Variants in ICA1 observed in about 807,000 individuals in gnomAD.
ICA1 encodes the protein islet cell autoantigen 1, also known as 69 kDa islet cell autoantigen.
Under a neutral mutation model 71.0 loss-of-function variants are expected in ICA1, and 40 were observed. That is an observed-to-expected ratio of 0.56 (90% confidence interval 0.44 to 0.73). The LOEUF (loss-of-function observed/expected upper bound fraction) is 0.73. Among genes scored for constraint, ICA1 ranks in the 30% least tolerant of loss-of-function variants. The pLI is 0.00. For missense variants in ICA1, 578 were observed against 576.5 expected (o/e 1.00, Z -0.03); for synonymous variants, 207 against 209.5 (o/e 0.99, Z 0.10).
chr7:8,150,672 C>T (rs1397745819), intron 8 of ICA1, among the ~76,000 whole-genome samples: 1 of 152,244 alleles, frequency 6.6e-6, no homozygotes. Flanking sequence ...ATCGAGAGGA[C>T]TTCATCCCAA....
intron 4 of ICA1, 138 bp from the exon 5 acceptor site, chr7:8,221,536 G>A (rs1016199490): frequency 2.2e-6 from 2 of 920,540 alleles, no homozygotes; most frequent in African/African-American, 3.4e-5. Flanking sequence ...GCAGGCTACA[G>A]GGTAAGCTCC....
chr7:8,255,976 TG>T (rs1210297929), intron 1 of ICA1, among the ~76,000 whole-genome samples: 2 of 151,538 alleles, frequency 1.3e-5, no homozygotes, highest in South Asian at 2.1e-4. Flanking sequence ...GTTCTCACTA[TG>T]TTGCCCAGGC....
rs907528704 is a variant in ICA1 at position 8,130,542 on chromosome 7, T to C, written c.1061-2400A>G. 1.3e-5 allele frequency among the ~76,000 whole-genome samples: 2 copies of C among 152,244 alleles called. No homozygotes were observed. The highest frequency in any genetic ancestry group is 2.9e-5 in the Non-Finnish European group (2 of 68,048). ...CTTATAGTTTACTTTTTGCCCTGAC[T>C]GAAACCAGATAATTACTGAACCAAA... On this transcript the variant is annotated intron_variant, in intron 12 of 13. Transcript: ENST00000402384. The surrounding 1 kb of genome is among the most constrained non-coding windows in gnomAD (Gnocchi z 4.2).
chr7:8,113,214 TA>T lies in ICA1; in HGVS notation c.*708del, dbSNP rs34985399. The T allele has an allele frequency of 0.075, 10,704 of 142,628 alleles. 413 individuals are homozygous for T. The highest frequency in any genetic ancestry group is 0.13 in the Middle Eastern group (38 of 282). The allele number at this position is 142,628 out of a possible 1,614,324, so 8.8% of individuals were successfully genotyped here. The stretch of plus-strand genomic sequence containing the variant: ...ATGTCAAATATCTTTTCTGTTTAAT[TA>T]AAAAAAAAAAAAAAACAATGTCACA... On this transcript the variant is annotated 3_prime_UTR_variant, in exon 14 of 14. Coordinates refer to ENST00000402384, the MANE Select transcript of ICA1 (RefSeq NM_001136020.3). The surrounding 1 kb of genome is among the most constrained non-coding windows in gnomAD (Gnocchi z 4.2).
chr7:8,208,585 T>C (rs7788546), intron 6 of ICA1, among the ~76,000 whole-genome samples: 12,547 of 152,194 alleles, frequency 0.082, 1,133 homozygotes, highest in African/African-American at 0.22. Flanking sequence ...AAAGATGATA[T>C]GTGAGCTGTT....
chr7:8,164,412 C>T (rs1480423428), intron 6 of ICA1, among the ~76,000 whole-genome samples: 2 of 151,224 alleles, frequency 1.3e-5, no homozygotes, highest in East Asian at 3.9e-4. Context: ...CTGCTCTGAT[C>T]CAAAAGACAC....
intron 1 of ICA1, among the ~76,000 whole-genome samples, chr7:8,258,665 A>T (rs1290192247): frequency 6.6e-6 from 1 of 152,246 alleles, no homozygotes; most frequent in Non-Finnish European, 1.5e-5. Flanking sequence ...AAAAACAGGT[A>T]TAAAATGCCC....
intron 6 of ICA1, among the ~76,000 whole-genome samples, chr7:8,179,600 C>A (rs1278875249): frequency 6.6e-6 from 1 of 152,156 alleles, no homozygotes; most frequent in African/African-American, 2.4e-5. Flanking sequence ...CTGAAAACTG[C>A]TAGAAAATTC....
Position 8,126,038 on chromosome 7 carries a change from T to G in ICA1, c.1330+1835A>C, listed in dbSNP as rs61544468. On this transcript the variant is annotated intron_variant, in intron 13 of 13. Transcript: ENST00000402384. ...CACTGTGGGCACTGAGATGAACTTCTCTCACTTTGCCTGCTCAGGAAGTGG... is the reference window on the plus strand; with the variant it reads ...CACTGTGGGCACTGAGATGAACTTCGCTCACTTTGCCTGCTCAGGAAGTGG... 6.9e-3 allele frequency among the ~76,000 whole-genome samples: 1,046 copies of G among 152,358 alleles called. 17 individuals are homozygous for G. The highest frequency in any genetic ancestry group is 0.024 in the African/African-American group (989 of 41,582).
At chr7:8,190,428 AT>A (rs764241971) in intron 6 of ICA1, among the ~76,000 whole-genome samples, 3 of 152,356 alleles carry the variant, frequency 2.0e-5, no homozygotes, top group South Asian at 2.1e-4. Context: ...GTACAAAAAA[AT>A]AATATTAATG....
At chr7:8,192,783 A>G (rs1786132147) in intron 6 of ICA1, among the ~76,000 whole-genome samples, 1 of 152,140 alleles carries the variant, frequency 6.6e-6, no homozygotes, top group Non-Finnish European at 1.5e-5. Flanking sequence ...TTCTTACTTT[A>G]TTCAATAGTA....
intron 1 of ICA1, among the ~76,000 whole-genome samples, chr7:8,239,828 G>T (rs1350861844): frequency 6.6e-6 from 1 of 152,262 alleles, no homozygotes; most frequent in Non-Finnish European, 1.5e-5. Context: ...ACTGCGAGGT[G>T]TCAGCCTAGC....
rs1438201242 is a variant in ICA1 at position 8,139,117 on chromosome 7, T to C, written c.956-70A>G. 20 of 1,242,688 alleles carry C rather than the reference T, an allele frequency of 1.6e-5. No individual in the cohort carries two copies. In the South Asian group the frequency reaches 2.2e-4, roughly 14 times the overall value. 77.0% of individuals were successfully genotyped at this position (1,242,688 alleles called of 1,614,324 possible). On this transcript the variant is annotated intron_variant, in intron 10 of 13. Coordinates refer to ENST00000402384, the MANE Select transcript of ICA1 (RefSeq NM_001136020.3). ...TGTGCATGTTCATACGCTATTGCAG[T>C]GTAAGGTAAATGCACGGCTTCAGGA... is the stretch of plus-strand genomic sequence containing the variant.
At position 8,157,228 on chromosome 7, in the gene ICA1, C is replaced by T. The variant is rs144315335; in HGVS notation, c.706-14G>A. 1.3e-6 allele frequency: 2 copies of T among 1,586,656 alleles called. No homozygotes were observed. The highest frequency in any genetic ancestry group is 2.7e-5 in the African/African-American group (2 of 73,422). On this transcript the variant is annotated splice_polypyrimidine_tract_variant and intron_variant, in intron 7 of 13. Coordinates refer to ENST00000402384, the MANE Select transcript of ICA1 (RefSeq NM_001136020.3). ...AAGCAGAGTGGTCTGCAAAGAAAGA[C>T]AGTAAAGCTATTAATGTTTTGAATG... is the stretch of plus-strand genomic sequence containing the variant.
At chr7:8,221,498 G>A (rs1044931889) in intron 4 of ICA1, 100 bp from the exon 5 acceptor site, 42 of 1,341,046 alleles carry the variant, frequency 3.1e-5, no homozygotes, top group South Asian at 6.2e-5. Flanking sequence ...TTCCAGAGGC[G>A]AAGACGAGAT....
intron 2 of ICA1, among the ~76,000 whole-genome samples, chr7:8,235,626 G>C (rs1801619615): frequency 6.6e-6 from 1 of 152,154 alleles, no homozygotes; most frequent in Non-Finnish European, 1.5e-5. Context: ...CATTACATTA[G>C]ACAAAATGGT....
At chr7:8,254,244 G>C (rs149422662) in intron 1 of ICA1, among the ~76,000 whole-genome samples, 1 of 152,008 alleles carries the variant, frequency 6.6e-6, no homozygotes, top group Non-Finnish European at 1.5e-5. Context: ...TGCTGTGCAC[G>C]GGTCCTGTAA....
intron 6 of ICA1, among the ~76,000 whole-genome samples, chr7:8,216,517 C>T (rs1489378585): frequency 6.7e-6 from 1 of 148,966 alleles, no homozygotes. Context: ...ACACTCAAAC[C>T]AAATGACGAA....
At chr7:8,169,885 TGTGTTTTAATGCCTGA>T (rs1312178678) in intron 6 of ICA1, among the ~76,000 whole-genome samples, 1 of 142,626 alleles carries the variant, frequency 7.0e-6, no homozygotes, top group Non-Finnish European at 1.5e-5. Flanking sequence ...GTTGTGTGTG[TGTGTTTTAATGCCTGA>T]GTGTGTGTGT....
Sources: allele counts gnomAD v4.1 joint callset (sites outside exome capture counted in the v4.1 genomes callset), GRCh38; gene constraint gnomAD v4.1.1; non-coding constraint Gnocchi (gnomAD v3.1); transcripts MANE v1.5; gene names NCBI Gene and HGNC (gene_info 2026-07-23, HGNC 2026-07-21).